PCLO: variants seen among roughly 807,000 people sequenced by gnomAD.
PCLO encodes protein piccolo.
A neutral mutation model predicts 427.5 loss-of-function variants in PCLO; 82 were observed. The ratio of observed to expected loss-of-function variants is 0.19; its 90% CI spans 0.16 to 0.23. PCLO has a LOEUF of 0.23. Among genes scored for constraint, PCLO ranks in the 10% least tolerant of loss-of-function variants. The probability of loss-of-function intolerance (pLI) is 1.00; values close to 1 mark genes in which losing one functional copy is unlikely to be tolerated. For synonymous variants in PCLO, 2,357 were observed against 2,155.4 expected (o/e 1.09, Z -2.59); for missense variants, 6,239 against 6,115.9 (o/e 1.02, Z -0.67).
rs10630259 is a variant in PCLO at position 82,952,172 on chromosome 7, T to TTCA, written c.8778_8780dup (p.Asp2926dup). ...TCCCTGCGGTTAAATCAACGGGTTTTTCATCTTCTATTATTTTGGTCATCA... is the reference window on the plus strand; with the variant it reads ...TCCCTGCGGTTAAATCAACGGGTTTTTCATCATCTTCTATTATTTTGGTCATCA... On this transcript the variant is annotated inframe_insertion, in exon 5 of 25. Coordinates refer to ENST00000333891, the MANE Select transcript of PCLO (RefSeq NM_033026.6). 0.99 allele frequency: 1,589,933 copies of TTCA among 1,613,568 alleles called. 783,374 individuals carry two copies. Among genetic ancestry groups the TTCA allele is most frequent in the East Asian group, 1 (44,838 of 44,842 alleles).
chr7:82,800,406 T>C (rs1435537385), intron 22 of PCLO, among the ~76,000 whole-genome samples: 2 of 152,192 alleles, frequency 1.3e-5, no homozygotes, highest in Non-Finnish European at 2.9e-5. Flanking sequence ...ACTTGTTCTG[T>C]CCTTGTTCCA....
At chr7:82,844,349 C>T (rs1036737415) in intron 13 of PCLO, among the ~76,000 whole-genome samples, 2 of 152,060 alleles carry the variant, frequency 1.3e-5, no homozygotes, top group African/African-American at 4.8e-5. Flanking sequence ...GCTTATGAAG[C>T]TTTTCTATAT....
At chr7:82,962,424 ATGT>A (rs1294974712) in intron 4 of PCLO, among the ~76,000 whole-genome samples, 2 of 152,094 alleles carry the variant, frequency 1.3e-5, no homozygotes, top group African/African-American at 4.8e-5. Context: ...TTGTCAGCAA[ATGT>A]TGTTGGAAGA....
intron 6 of PCLO, among the ~76,000 whole-genome samples, chr7:82,919,506 T>C (rs971301941): frequency 6.6e-6 from 1 of 152,014 alleles, no homozygotes; most frequent in Non-Finnish European, 1.5e-5. Flanking sequence ...CTATTTTAAA[T>C]GGTTTTAAAA....
chr7:82,886,042 G>A (rs1793620067), intron 9 of PCLO, among the ~76,000 whole-genome samples: 1 of 152,064 alleles, frequency 6.6e-6, no homozygotes. Flanking sequence ...AGAGTGATGG[G>A]AGAAGTTGCA....
intron 3 of PCLO, among the ~76,000 whole-genome samples, chr7:83,061,056 T>G (rs1789531464): frequency 6.6e-6 from 1 of 152,208 alleles, no homozygotes. Context: ...TCTAGTGGTG[T>G]GTAAAAAATT....
chr7:83,077,989 A>G lies in PCLO; in HGVS notation c.3300+56261T>C, dbSNP rs544304588. Reference sequence around the variant, plus strand: ...GAAAAAGGCGGTTAGAGGTCAATTCAAGGTCGGTAATTGCATTTTAAAGCA... The same window carrying G: ...GAAAAAGGCGGTTAGAGGTCAATTCGAGGTCGGTAATTGCATTTTAAAGCA... On this transcript the variant is annotated intron_variant, in intron 3 of 24. Transcript: ENST00000333891. Among the ~76,000 whole-genome samples, 102 of 152,224 alleles carry G rather than the reference A, an allele frequency of 6.7e-4. 1 individual carries two copies. The highest frequency in any genetic ancestry group is 1.9e-3 in the African/African-American group (79 of 41,506).
chr7:82,904,133 A>G (rs987064422), intron 8 of PCLO, among the ~76,000 whole-genome samples: 1 of 151,974 alleles, frequency 6.6e-6, no homozygotes, highest in African/African-American at 2.4e-5. Context: ...ATATTAGGGT[A>G]AGTATAATAA....
chr7:83,131,889 A>C (rs560614775), intron 3 of PCLO, among the ~76,000 whole-genome samples: 1 of 152,276 alleles, frequency 6.6e-6, no homozygotes, highest in South Asian at 2.1e-4. Flanking sequence ...TACACCTGTT[A>C]ATAGTATTTA....
intron 6 of PCLO, among the ~76,000 whole-genome samples, chr7:82,940,122 TTAGA>T (rs747188297): frequency 3.9e-5 from 6 of 152,198 alleles, no homozygotes; most frequent in Admixed American, 6.5e-5. Context: ...GAATGGCCGA[TTAGA>T]TAATTTTCCA....
chr7:83,109,525 T>G (rs1790949477), intron 3 of PCLO, among the ~76,000 whole-genome samples: 1 of 152,184 alleles, frequency 6.6e-6, no homozygotes, highest in Non-Finnish European at 1.5e-5. Context: ...CTGTCTGGCT[T>G]CATGGAAAAT....
At chr7:83,029,860 A>G (rs1302256069) in intron 3 of PCLO, among the ~76,000 whole-genome samples, 1 of 147,522 alleles carries the variant, frequency 6.8e-6, no homozygotes, top group African/African-American at 2.5e-5. Context: ...CTATCGCAAG[A>G]ACAAAAAACC....
chr7:82,853,279 T>A (rs1231467409), intron 10 of PCLO, among the ~76,000 whole-genome samples: 1 of 152,100 alleles, frequency 6.6e-6, no homozygotes, highest in African/African-American at 2.4e-5. Context: ...TGGGCCTACT[T>A]TCATCAAAGC....
chr7:82,865,442 C>A (rs1277351931), intron 10 of PCLO, among the ~76,000 whole-genome samples: 3 of 152,182 alleles, frequency 2.0e-5, no homozygotes, highest in African/African-American at 7.2e-5. Flanking sequence ...GAGCTGAGAT[C>A]GCGCCATTGC....
At chr7:82,850,835 A>G (rs1313210747) in intron 10 of PCLO, among the ~76,000 whole-genome samples, 1 of 152,196 alleles carries the variant, frequency 6.6e-6, no homozygotes, top group Non-Finnish European at 1.5e-5. Context: ...CTACTAGAAA[A>G]CAATTGGAAA....
At chr7:82,870,469 G>A (rs541786596) in intron 10 of PCLO, among the ~76,000 whole-genome samples, 6 of 151,978 alleles carry the variant, frequency 3.9e-5, no homozygotes, top group African/African-American at 1.4e-4. Flanking sequence ...TTTAAGACCT[G>A]AGCTTATGAA....
chr7:83,054,118 A>G (rs896479329), intron 3 of PCLO, among the ~76,000 whole-genome samples: 5 of 152,050 alleles, frequency 3.3e-5, no homozygotes, highest in Non-Finnish European at 7.4e-5. Flanking sequence ...GAAACATGAT[A>G]GTTTACATGA....
rs1290608739 is a variant in PCLO, at chr7:83,162,632, G to C, written c.-40C>G. The C allele has an allele frequency of 6.7e-7, 1 of 1,497,406 alleles. No homozygotes were observed. The highest frequency in any genetic ancestry group is 8.9e-7 in the Non-Finnish European group (1 of 1,127,542). 92.8% of individuals were successfully genotyped at this position (1,497,406 alleles called of 1,614,324 possible). ...CGGGGCCGCCGCGCTCCCTCCTCGC[G>C]CCGCGTCCCAGTCGAGAAGCCCGCG... On this transcript the variant is annotated 5_prime_UTR_variant, in exon 1 of 25. Coordinates refer to ENST00000333891, the MANE Select transcript of PCLO (RefSeq NM_033026.6).
At chr7:82,814,200 C>G (rs922827237) in intron 20 of PCLO, among the ~76,000 whole-genome samples, 2 of 151,102 alleles carry the variant, frequency 1.3e-5, no homozygotes, top group African/African-American at 4.9e-5. Flanking sequence ...TATATCATTC[C>G]CAATAAAATA....
Sources: gnomAD v4.1 joint callset for allele counts (sites outside exome capture counted in the v4.1 genomes callset) on GRCh38, gnomAD v4.1.1 for gene constraint, MANE v1.5 for transcripts, NCBI Gene and HGNC (gene_info 2026-07-23, HGNC 2026-07-21) for gene names.